Variants in DLGAP2 observed in about 807,000 individuals in gnomAD.
The protein encoded by DLGAP2 is disks large-associated protein 2.
DLGAP2 carries 26 observed loss-of-function variants against 100.3 expected under a neutral mutation model. That is an observed-to-expected ratio of 0.26 (90% CI 0.19 to 0.36). The LOEUF is 0.36. DLGAP2 is among the 10% of genes least tolerant of loss of function. DLGAP2 has a pLI of 1.00. For synonymous variants in DLGAP2, 886 were observed against 630.1 expected (o/e 1.41, Z -6.08); for missense variants, 1,858 against 1,453.2 (o/e 1.28, Z -4.53).
chr8:1,151,324 C>G (rs578227861), intron 2 of DLGAP2, among the ~76,000 whole-genome samples: 2 of 152,188 alleles, frequency 1.3e-5, no homozygotes, highest in South Asian at 4.2e-4. Context: ...AAAAGAAGCT[C>G]CACAGTAAAA....
chr8:1,667,620 A>G (rs1798577862), intron 8 of DLGAP2, among the ~76,000 whole-genome samples: 1 of 152,228 alleles, frequency 6.6e-6, no homozygotes, highest in Non-Finnish European at 1.5e-5. Flanking sequence ...CCAAGAGCAG[A>G]CAGTGCCCAT....
In DLGAP2 at chr8:1,484,708, C is replaced by G. The variant is rs901632644; in HGVS notation, c.107-16658C>G. On this transcript the variant is annotated intron_variant, in intron 3 of 14. Coordinates refer to ENST00000637795, the MANE Select transcript of DLGAP2 (RefSeq NM_001346810.2). ...TATTCATGTTGTTAGTCCGTAAACTCTTATGGGAGATCCATGAAAAATTAA... is the reference window on the plus strand; with the variant it reads ...TATTCATGTTGTTAGTCCGTAAACTGTTATGGGAGATCCATGAAAAATTAA... 3.9e-5 allele frequency among the ~76,000 whole-genome samples: 6 copies of G among 152,336 alleles called. No individual in the cohort carries two copies. The East Asian group carries it at 9.6e-4, about 24-fold the overall frequency.
intron 10 of DLGAP2, among the ~76,000 whole-genome samples, chr8:1,672,811 T>A (rs553368269): frequency 6.6e-6 from 1 of 152,312 alleles, no homozygotes; most frequent in East Asian, 1.9e-4. Context: ...CAGAGGGAAA[T>A]AAACAGGAGT....
chr8:1,060,258 C>T (rs544585207), intron 2 of DLGAP2, among the ~76,000 whole-genome samples: 10 of 145,034 alleles, frequency 6.9e-5, no homozygotes, highest in African/African-American at 1.4e-4. Context: ...GCCAGAAGCC[C>T]GAAACCAAGG....
At chr8:1,201,365 G>T (rs1654460620) in intron 2 of DLGAP2, among the ~76,000 whole-genome samples, 1 of 152,176 alleles carries the variant, frequency 6.6e-6, no homozygotes, top group African/African-American at 2.4e-5. Context: ...CCGTGGGGCA[G>T]GGGGCTCCCC....
At chr8:1,588,128 C>G (rs143390248) in intron 6 of DLGAP2, among the ~76,000 whole-genome samples, 38 of 152,280 alleles carry the variant, frequency 2.5e-4, no homozygotes, top group African/African-American at 8.9e-4. Flanking sequence ...ATGAGTCACT[C>G]TCTTTACTGT....
intron 2 of DLGAP2, among the ~76,000 whole-genome samples, chr8:1,119,119 T>C (rs1025620729): frequency 2.6e-5 from 4 of 152,250 alleles, no homozygotes; most frequent in Non-Finnish European, 5.9e-5. Context: ...TTTTTTCCCA[T>C]TTAAGTACTG....
intron 6 of DLGAP2, 67 bp downstream of exon 6, chr8:1,565,961 A>T: frequency 1.4e-6 from 2 of 1,390,714 alleles, no homozygotes; most frequent in South Asian, 1.4e-5. Flanking sequence ...CCTCTCCAAA[A>T]CCACTTCACC....
intron 3 of DLGAP2, among the ~76,000 whole-genome samples, chr8:1,496,522 G>C (rs1384767981): frequency 6.6e-6 from 1 of 152,158 alleles, no homozygotes; most frequent in Non-Finnish European, 1.5e-5. Flanking sequence ...TCCCTTCCAG[G>C]AAGTGTGAGC....
At chr8:925,883 A>C (rs1051533050) in intron 2 of DLGAP2, among the ~76,000 whole-genome samples, 1 of 152,090 alleles carries the variant, frequency 6.6e-6, no homozygotes, top group African/African-American at 2.4e-5. Flanking sequence ...TGCATAATAA[A>C]ATGTATTTTA....
In DLGAP2 at chr8:844,854, GC is replaced by G. The variant is rs1797045073; in HGVS notation, c.19-63056del. Among the ~76,000 whole-genome samples the G allele has an allele frequency of 4.6e-5, 7 of 152,094 alleles. No individual in the cohort carries two copies. The South Asian group carries it at 1.5e-3, about 32-fold the overall frequency. On this transcript the variant is annotated intron_variant, in intron 1 of 14. Transcript: ENST00000637795. ...TTCCCCTGCCTCCTCCCCAGGCCAG[GC>G]CTGGCCACCACAAATCCACTTCTGT...
At chr8:1,636,437 C>T (rs1167604329) in intron 8 of DLGAP2, among the ~76,000 whole-genome samples, 2 of 152,104 alleles carry the variant, frequency 1.3e-5, no homozygotes, top group Admixed American at 6.6e-5. Context: ...TACATACTTG[C>T]CAACATAGAG....
At chr8:827,770 A>G (rs1352312540) in intron 1 of DLGAP2, among the ~76,000 whole-genome samples, 1 of 152,234 alleles carries the variant, frequency 6.6e-6, no homozygotes, top group African/African-American at 2.4e-5. Flanking sequence ...TGTTGCTCAG[A>G]GACAAAGACT....
chr8:1,529,174 G>A (rs187516491), intron 4 of DLGAP2, among the ~76,000 whole-genome samples: 136 of 152,322 alleles, frequency 8.9e-4, no homozygotes, highest in African/African-American at 3.1e-3. Flanking sequence ...AGGTGAAGGG[G>A]AAGCAAGGCA....
At chr8:1,372,997 G>C (rs764803843) in intron 3 of DLGAP2, among the ~76,000 whole-genome samples, 1 of 152,210 alleles carries the variant, frequency 6.6e-6, no homozygotes, top group Non-Finnish European at 1.5e-5. Context: ...TATGCAAGAT[G>C]ACAGTTTCGC....
rs1563224018 is a variant in DLGAP2 at position 1,164,115 on chromosome 8, C to CCCCCA, written c.74-94736_74-94735insCCCCA. On this transcript the variant is annotated intron_variant, in intron 2 of 14. Coordinates refer to ENST00000637795, the MANE Select transcript of DLGAP2 (RefSeq NM_001346810.2). ...CTGGGGACAGATTTTTCTGTGAGCC[C>CCCCCA]GCAGGGCCCGTCATTTTGGTTTGTG... Among the ~76,000 whole-genome samples, 1,212 of 128,508 alleles carry CCCCCA rather than the reference C, an allele frequency of 9.4e-3. 358 individuals are homozygous for CCCCCA. The highest frequency in any genetic ancestry group is 0.011 in the Non-Finnish European group (621 of 58,136). The allele number at this position is 128,508 out of a possible 152,430, so 84.3% of individuals were successfully genotyped here.
chr8:1,026,658 G>A (rs1362479776), intron 2 of DLGAP2, among the ~76,000 whole-genome samples: 6 of 152,172 alleles, frequency 3.9e-5, no homozygotes. Flanking sequence ...TTACTCTGTA[G>A]ACATTGATTT....
At chr8:1,353,822 C>T (rs1190986105) in intron 3 of DLGAP2, among the ~76,000 whole-genome samples, 1 of 151,752 alleles carries the variant, frequency 6.6e-6, no homozygotes, top group Non-Finnish European at 1.5e-5. Context: ...TACATTGACA[C>T]AAAATTTTTA....
intron 1 of DLGAP2, among the ~76,000 whole-genome samples, chr8:833,226 A>G (rs1427057692): frequency 6.6e-6 from 1 of 152,230 alleles, no homozygotes; most frequent in African/African-American, 2.4e-5. Context: ...GGGAAGGCGC[A>G]CTGGGGGAGT....
Sources: gnomAD v4.1 joint callset for allele counts (sites outside exome capture counted in the v4.1 genomes callset) on GRCh38, gnomAD v4.1.1 for gene constraint, MANE v1.5 for transcripts, NCBI Gene and HGNC (gene_info 2026-07-23, HGNC 2026-07-21) for gene names.